PCDHGB2: variants seen among roughly 807,000 people sequenced by gnomAD.
The protein encoded by PCDHGB2 is protocadherin gamma-B2.
A neutral mutation model predicts 59.3 loss-of-function variants in PCDHGB2; 55 were observed. The ratio of observed to expected loss-of-function variants is 0.93; its 90% CI spans 0.75 to 1.16. The LOEUF (loss-of-function observed/expected upper bound fraction) is 1.16, where lower values mean the gene tolerates loss of function less well. PCDHGB2 is among the 50% of genes most tolerant of loss of function. PCDHGB2 has a pLI of 0.00. For missense variants in PCDHGB2, 1,228 were observed against 1,198.5 expected (o/e 1.02, Z -0.36); for synonymous variants, 516 against 512.0 (o/e 1.01, Z -0.11).
intron 1 of PCDHGB2, among the ~76,000 whole-genome samples, chr5:141,480,151 C>T (rs543997143): frequency 1.3e-5 from 2 of 152,162 alleles, no homozygotes; most frequent in African/African-American, 4.8e-5. Context: ...TTAGCCAGCT[C>T]CTAGCATTTT....
At chr5:141,408,806 C>T in intron 1 of PCDHGB2, 1 of 1,613,010 alleles carries the variant, frequency 6.2e-7, no homozygotes, top group Non-Finnish European at 8.5e-7. Flanking sequence ...ACTCCTAGAC[C>T]GGGAAGAACA....
intron 1 of PCDHGB2, among the ~76,000 whole-genome samples, chr5:141,438,591 C>CATATATAT (rs946798767): frequency 3.4e-4 from 26 of 75,528 alleles, no homozygotes; most frequent in Non-Finnish European, 5.4e-4. Flanking sequence ...TACATACATA[C>CATATATAT]ATATATATAT....
At chr5:141,475,145 C>T (rs1214674720) in intron 1 of PCDHGB2, among the ~76,000 whole-genome samples, 2 of 151,980 alleles carry the variant, frequency 1.3e-5, no homozygotes, top group Non-Finnish European at 1.5e-5. Flanking sequence ...AAATCTTCTC[C>T]GTCTTCTTCT....
rs150714552 is a variant in PCDHGB2, at chr5:141,473,285, G to A, written c.2422-21522G>A. On this transcript the variant is annotated intron_variant, in intron 1 of 3. Transcript: ENST00000522605. ...GTGTATGCTATGATTATTTTACTATGTCAGTAGCATAAAGATTGCTATATT... is the reference window on the plus strand; with the variant it reads ...GTGTATGCTATGATTATTTTACTATATCAGTAGCATAAAGATTGCTATATT... 3.9e-3 allele frequency among the ~76,000 whole-genome samples: 590 copies of A among 152,296 alleles called. 6 individuals are homozygous for A. Among genetic ancestry groups the A allele is most frequent in the Admixed American group, 0.011 (170 of 15,296 alleles).
chr5:141,404,081 G>A (rs1436868245), intron 1 of PCDHGB2: 10 of 1,613,302 alleles, frequency 6.2e-6, no homozygotes, highest in South Asian at 2.2e-5. Context: ...CCGAGACTCC[G>A]GGAAGAATGG....
chr5:141,385,690 G>A (rs1308061047), intron 1 of PCDHGB2: 1 of 326,260 alleles, frequency 3.1e-6, no homozygotes, highest in African/African-American at 2.2e-5. Context: ...GTCTTCTCAG[G>A]ATTCTCTTTA....
intron 1 of PCDHGB2, chr5:141,419,710 C>T: frequency 6.2e-7 from 1 of 1,613,168 alleles, no homozygotes; most frequent in South Asian, 1.1e-5. Context: ...CCGGGCTCTT[C>T]AGCCTGGGGC....
intron 1 of PCDHGB2, chr5:141,428,255 G>A (rs2097128504): frequency 1.1e-6 from 1 of 875,462 alleles, no homozygotes; most frequent in Non-Finnish European, 1.8e-6. Context: ...CCAGACTTCA[G>A]TGACAGTCCT....
intron 1 of PCDHGB2, chr5:141,420,357 C>A: frequency 7.3e-7 from 1 of 1,376,278 alleles, no homozygotes; most frequent in East Asian, 2.6e-5. Flanking sequence ...TTTTAAGATT[C>A]TAGATAACTT....
In PCDHGB2 at chr5:141,400,602, A is replaced by C; in HGVS notation, c.2421+38046A>C. 3.1e-6 allele frequency: 5 copies of C among 1,590,234 alleles called. No homozygotes were observed. In the South Asian group the frequency reaches 5.6e-5, roughly 18 times the overall value. ...TTACATGAAACTATCGTACATTTTCAAGTCCAATGAGTTGTCTTAGGGAAG... is the reference window on the plus strand; with the variant it reads ...TTACATGAAACTATCGTACATTTTCCAGTCCAATGAGTTGTCTTAGGGAAG... On this transcript the variant is annotated intron_variant, in intron 1 of 3. Transcript: ENST00000522605.
At chr5:141,420,025 T>A in intron 1 of PCDHGB2, 1 of 1,614,096 alleles carries the variant, frequency 6.2e-7, no homozygotes, top group Non-Finnish European at 8.5e-7. Context: ...TCAGCCCTAC[T>A]GCAGGAGACT....
intron 1 of PCDHGB2, chr5:141,385,402 T>A: frequency 6.7e-7 from 1 of 1,488,784 alleles, no homozygotes; most frequent in Non-Finnish European, 8.9e-7. Context: ...AACAAATGTT[T>A]TGAAAATAGG....
chr5:141,458,578 TG>T, intron 1 of PCDHGB2, among the ~76,000 whole-genome samples: 1 of 152,138 alleles, frequency 6.6e-6, no homozygotes. Context: ...TTTGTTTGTT[TG>T]TTTGTTTTGG....
chr5:141,441,843 G>T, intron 1 of PCDHGB2: 1 of 356,176 alleles, frequency 2.8e-6, no homozygotes. Context: ...TCGCGCTCTT[G>T]GATATGGTGC....
chr5:141,420,769 C>T (rs2096524721), intron 1 of PCDHGB2, among the ~76,000 whole-genome samples: 1 of 152,212 alleles, frequency 6.6e-6, no homozygotes, highest in Admixed American at 6.5e-5. Flanking sequence ...AAGTTTTCAG[C>T]TCCAGTAATA....
intron 1 of PCDHGB2, among the ~76,000 whole-genome samples, chr5:141,434,491 C>CCCAGGGCAGAAAACTGCTTAA (rs1300377022): frequency 1.8e-4 from 27 of 152,302 alleles, no homozygotes; most frequent in Non-Finnish European, 3.4e-4. Context: ...ACCTGGCCCG[C>CCCAGGGCAGAAAACTGCTTAA]CCAGGGCAGA....
intron 1 of PCDHGB2, chr5:141,396,655 C>T (rs1589287485): frequency 6.6e-6 from 1 of 152,052 alleles, no homozygotes; most frequent in South Asian, 2.1e-4. Context: ...AGTAAAAACT[C>T]GGTATAGGCT....
Position 141,491,968 on chromosome 5 carries a change from G to GC in PCDHGB2, c.2422-2837dup. On this transcript the variant is annotated intron_variant, in intron 1 of 3. Coordinates refer to ENST00000522605, the MANE Select transcript of PCDHGB2 (RefSeq NM_018923.3). The surrounding 1 kb of genome is among the most constrained non-coding windows in gnomAD (Gnocchi z 6.9). ...ACCCCTACACTCAAAAAAGGCCGGG[G>GC]CCTCCTTCGAGCTTCCGGTGAATTT... 1.1e-6 allele frequency: 1 copy of GC among 923,644 alleles called. No homozygotes were observed. Among genetic ancestry groups the GC allele is most frequent in the Admixed American group, 3.6e-5 (1 of 27,548 alleles). 57.2% of individuals were successfully genotyped at this position (923,644 alleles called of 1,614,324 possible).
At chr5:141,438,210 A>G (rs1228726792) in intron 1 of PCDHGB2, among the ~76,000 whole-genome samples, 2 of 152,188 alleles carry the variant, frequency 1.3e-5, no homozygotes, top group Non-Finnish European at 2.9e-5. Flanking sequence ...ACCATATGGG[A>G]AGGGCTCTGG....
Sources: gnomAD v4.1 joint callset for allele counts (sites outside exome capture counted in the v4.1 genomes callset) on GRCh38, gnomAD v4.1.1 for gene constraint, Gnocchi (gnomAD v3.1) non-coding constraint, MANE v1.5 for transcripts, NCBI Gene and HGNC (gene_info 2026-07-23, HGNC 2026-07-21) for gene names.